CDK17: variants seen among roughly 807,000 people sequenced by gnomAD.
The protein encoded by CDK17 is cyclin-dependent kinase 17.
Under a neutral mutation model 77.6 loss-of-function variants are expected in CDK17, and 24 were observed. That is an observed-to-expected ratio of 0.31 (90% CI 0.22 to 0.44). CDK17 has a LOEUF of 0.44. CDK17 is among the 20% of genes least tolerant of loss of function. The pLI, the probability that CDK17 is intolerant of heterozygous loss-of-function variation, is 1.00. For missense variants in CDK17, 429 were observed against 622.5 expected (o/e 0.69, Z 3.31); for synonymous variants, 203 against 210.4 (o/e 0.96, Z 0.30).
In CDK17 at chr12:96,286,141, T is replaced by C. The variant is rs769338528; in HGVS notation, c.1224A>G (p.Pro408=). 6.9e-6 allele frequency: 9 copies of C among 1,304,032 alleles called. No homozygotes were observed. Among genetic ancestry groups the C allele is most frequent in the Middle Eastern group, 2.4e-4 (1 of 4,198 alleles). 80.8% of individuals were successfully genotyped at this position (1,304,032 alleles called of 1,614,324 possible). A position where few individuals can be genotyped will look rare whatever the true frequency, so the allele number is the denominator to read the frequency against. ...AAATACCTGGCCAAGTTTCCTGAGATGGAGTTCCTGAATTAAAAAAAAAAA... is the reference window on the plus strand; with the variant it reads ...AAATACCTGGCCAAGTTTCCTGAGACGGAGTTCCTGAATTAAAAAAAAAAA... The part of the protein sequence containing the change: ...LHLIFRLLGT[P]SQETWPGISS... The change falls in exon 13 of 17, where the codon CCA becomes CCG. Residue 408 remains proline, a synonymous_variant. Coordinates refer to ENST00000261211, the MANE Select transcript of CDK17 (RefSeq NM_002595.5).
At chr12:96,367,726 A>G (rs188957708) in intron 1 of CDK17, among the ~76,000 whole-genome samples, 53 of 152,142 alleles carry the variant, frequency 3.5e-4, no homozygotes, top group African/African-American at 1.3e-3. Context: ...TAAAACTTTT[A>G]TATTAATGAG....
chr12:96,308,287 T>C (rs990366489), intron 5 of CDK17, among the ~76,000 whole-genome samples: 1 of 149,238 alleles, frequency 6.7e-6, no homozygotes, highest in African/African-American at 2.5e-5. Context: ...GGTGTACACC[T>C]GCAGTCTTAG....
intron 1 of CDK17, among the ~76,000 whole-genome samples, chr12:96,346,687 C>G (rs1953215889): frequency 6.6e-6 from 1 of 151,614 alleles, no homozygotes; most frequent in Non-Finnish European, 1.5e-5. Context: ...GAGGGCAACA[C>G]AAGTGGATCA....
intron 3 of CDK17, among the ~76,000 whole-genome samples, chr12:96,314,794 C>T (rs1239971014): frequency 6.6e-6 from 1 of 152,180 alleles, no homozygotes; most frequent in Non-Finnish European, 1.5e-5. Flanking sequence ...CTTTAACACA[C>T]TTTTTTTCTC....
At chr12:96,359,557 A>T (rs754039286) in intron 1 of CDK17, among the ~76,000 whole-genome samples, 3 of 152,176 alleles carry the variant, frequency 2.0e-5, no homozygotes, top group Non-Finnish European at 4.4e-5. Context: ...TCATTGGCTA[A>T]ATCAGGTCAC....
Position 96,376,099 on chromosome 12 carries a change from T to C in CDK17, c.-30+23887A>G, listed in dbSNP as rs183031693. 2.9e-4 allele frequency among the ~76,000 whole-genome samples: 44 copies of C among 152,272 alleles called. No individual in the cohort carries two copies. In the Middle Eastern group the frequency reaches 0.01, roughly 35 times the overall value. ...TATATTAACTATCATTATACAGCTG[T>C]CTTCAACAACATGACTTTGCTATTC... is the stretch of plus-strand genomic sequence containing the variant. On this transcript the variant is annotated intron_variant, in intron 1 of 16. Coordinates refer to ENST00000261211, the MANE Select transcript of CDK17 (RefSeq NM_002595.5).
intron 3 of CDK17, among the ~76,000 whole-genome samples, chr12:96,314,321 A>G (rs1952678906): frequency 6.6e-6 from 1 of 152,146 alleles, no homozygotes; most frequent in African/African-American, 2.4e-5. Flanking sequence ...CCTCCCAAGT[A>G]GCTGGGAGTA....
chr12:96,323,481 T>C (rs992247211), intron 3 of CDK17, among the ~76,000 whole-genome samples: 3 of 151,242 alleles, frequency 2.0e-5, no homozygotes, highest in Non-Finnish European at 4.4e-5. Context: ...AAAATAAAAA[T>C]AAAAACATAA....
intron 3 of CDK17, among the ~76,000 whole-genome samples, chr12:96,322,975 A>C (rs1474104615): frequency 2.0e-5 from 3 of 152,216 alleles, no homozygotes; most frequent in African/African-American, 7.2e-5. Flanking sequence ...CTCACTGTAG[A>C]TAAGCTCATA....
At chr12:96,365,794 C>T (rs1268957389) in intron 1 of CDK17, among the ~76,000 whole-genome samples, 2 of 152,184 alleles carry the variant, frequency 1.3e-5, no homozygotes, top group Non-Finnish European at 2.9e-5. Flanking sequence ...ATCATCCCAG[C>T]TACTTGGGGG....
chr12:96,343,601 T>C (rs1953155784), intron 1 of CDK17, among the ~76,000 whole-genome samples: 1 of 152,236 alleles, frequency 6.6e-6, no homozygotes, highest in Non-Finnish European at 1.5e-5. Context: ...TGTTATATCA[T>C]TGTCAGGTCA....
intron 1 of CDK17, among the ~76,000 whole-genome samples, chr12:96,377,940 A>T (rs1004884800): frequency 1.3e-5 from 2 of 152,042 alleles, no homozygotes; most frequent in Non-Finnish European, 2.9e-5. Flanking sequence ...TGATCCGCCC[A>T]CCTTGGCCTC....
Position 96,313,349 on chromosome 12 carries a change from T to C in CDK17, c.389A>G (p.Asn130Ser). The C allele has an allele frequency of 1.9e-6, 3 of 1,594,956 alleles. No individual in the cohort carries two copies. Among genetic ancestry groups the C allele is most frequent in the Non-Finnish European group, 2.6e-6 (3 of 1,173,298 alleles). Residue 130 changes from asparagine (N) to serine (S), a missense_variant, in exon 4 of 17, where the codon AAT (asparagine) becomes AGT (serine). By Grantham distance (46) the Asn-to-Ser change is conservative (BLOSUM62 1). This residue lies in a region of CDK17 where 262 missense variants were observed against 385.4 expected (regional missense o/e 0.68). Transcript: ENST00000261211. Reference sequence around the variant, plus strand: ...CATTGAGATCCGTCTATGTATACGATTTCTGAGACAAACACCTGTAGGTGA... The same window carrying C: ...CATTGAGATCCGTCTATGTATACGACTTCTGAGACAAACACCTGTAGGTGA... ...VQSPTGVCLR[N>S]RIHRRISMED...
At chr12:96,356,157 A>C (rs972230417) in intron 1 of CDK17, among the ~76,000 whole-genome samples, 1 of 152,224 alleles carries the variant, frequency 6.6e-6, no homozygotes, top group African/African-American at 2.4e-5. Context: ...GAATGAAGTT[A>C]TTCTGCAAAT....
At chr12:96,375,924 G>A (rs1029781882) in intron 1 of CDK17, among the ~76,000 whole-genome samples, 1 of 152,066 alleles carries the variant, frequency 6.6e-6, no homozygotes, top group Non-Finnish European at 1.5e-5. Flanking sequence ...TTCCCCAGGG[G>A]AAAAATTGAA....
chr12:96,380,049 G>A (rs1953850508), intron 1 of CDK17, among the ~76,000 whole-genome samples: 1 of 151,540 alleles, frequency 6.6e-6, no homozygotes, highest in Non-Finnish European at 1.5e-5. Flanking sequence ...CACACCTGTA[G>A]TCCCAGCTAC....
intron 1 of CDK17, among the ~76,000 whole-genome samples, chr12:96,356,357 G>A (rs901904564): frequency 6.6e-5 from 10 of 152,146 alleles, no homozygotes; most frequent in Non-Finnish European, 1.3e-4. Flanking sequence ...GTGCAGTAAC[G>A]GGATCATGGC....
intron 1 of CDK17, among the ~76,000 whole-genome samples, chr12:96,354,753 ACATGT>A (rs1953368925): frequency 6.6e-6 from 1 of 152,088 alleles, no homozygotes; most frequent in African/African-American, 2.4e-5. Flanking sequence ...GCAGGGTGGC[ACATGT>A]CTGAAGTTCC....
intron 1 of CDK17, chr12:96,335,290 G>C (rs1035975281): frequency 3.6e-6 from 1 of 279,678 alleles, no homozygotes; most frequent in African/African-American, 2.3e-5. Flanking sequence ...AATGGAGGAA[G>C]ACAAAGAACA....
Sources: gnomAD v4.1 joint callset for allele counts (sites outside exome capture counted in the v4.1 genomes callset) on GRCh38, gnomAD v4.1.1 for gene constraint, gnomAD v4.1.1 regional missense constraint, MANE v1.5 for transcripts, NCBI Gene and HGNC (gene_info 2026-07-23, HGNC 2026-07-21) for gene names.